Variants in ZNF518A observed in about 807,000 individuals in gnomAD.
ZNF518A encodes zinc finger protein 518A.
In ZNF518A, 47 loss-of-function variants were observed where a neutral mutation model predicts 102.7. That is an observed-to-expected ratio of 0.46 (90% CI 0.36 to 0.58). The LOEUF (loss-of-function observed/expected upper bound fraction) is 0.58. ZNF518A is among the 20% of genes least tolerant of loss of function. The probability of loss-of-function intolerance (pLI) is 0.00; values close to 1 mark genes in which losing one functional copy is unlikely to be tolerated. For missense variants in ZNF518A, 1,793 were observed against 1,699.8 expected, an observed-to-expected ratio of 1.05 and a Z score of -0.96; for synonymous variants, 652 against 594.6, an observed-to-expected ratio of 1.10 and a Z score of -1.40.
At chr10:96,196,389 A>T (rs1554894681) in intron 1 of ZNF518A, among the ~76,000 whole-genome samples, 1 of 152,176 alleles carries the variant, frequency 6.6e-6, no homozygotes, top group African/African-American at 2.4e-5. Flanking sequence ...ATTAAAGTTA[A>T]TGTTTGATTA....
intron 3 of ZNF518A, among the ~76,000 whole-genome samples, chr10:96,134,397 A>AT (rs1189362826): frequency 1.4e-4 from 21 of 150,234 alleles, no homozygotes; most frequent in East Asian, 1.2e-3. Flanking sequence ...TGGCTGGCTA[A>AT]TTTTTTTTTT....
At chr10:96,183,217 A>G (rs1295688489) in intron 1 of ZNF518A, among the ~76,000 whole-genome samples, 3 of 151,334 alleles carry the variant, frequency 2.0e-5, no homozygotes, top group East Asian at 3.9e-4. Context: ...TCTGTTCTTT[A>G]TTAGTCTTGC....
chr10:96,179,959 A>G (rs1554891866), intron 1 of ZNF518A, among the ~76,000 whole-genome samples: 1 of 149,346 alleles, frequency 6.7e-6, no homozygotes, highest in Non-Finnish European at 1.5e-5. Flanking sequence ...GCTCACTGCA[A>G]CCTCTGCCTC....
At chr10:96,129,967 C>A (rs1452540662), upstream of ZNF518A, 1 of 152,714 alleles carries the variant, frequency 6.5e-6, no homozygotes, top group South Asian at 2.1e-4. Context: ...ACCCTGCCGG[C>A]CTCCGTTCTC....
At chr10:96,179,196 T>C (rs1554891753) in intron 1 of ZNF518A, among the ~76,000 whole-genome samples, 2 of 152,280 alleles carry the variant, frequency 1.3e-5, no homozygotes, top group South Asian at 2.1e-4. Context: ...ATGGATACTG[T>C]ATGTTAAATA....
intron 1 of ZNF518A, among the ~76,000 whole-genome samples, chr10:96,169,764 G>A (rs2133882122): frequency 6.6e-6 from 1 of 152,226 alleles, no homozygotes; most frequent in East Asian, 1.9e-4. Flanking sequence ...TATGAATTTT[G>A]TAATGTGACA....
Position 96,203,365 on chromosome 10 carries a change from T to C in ZNF518A, n.36-209T>C, listed in dbSNP as rs2083702287. Among the ~76,000 whole-genome samples the C allele has an allele frequency of 2.6e-5, 4 of 152,216 alleles. No homozygotes were observed. In the South Asian group the frequency reaches 8.3e-4, roughly 32 times the overall value. On this transcript the variant is annotated intron_variant and non_coding_transcript_variant, in intron 1 of 2. Coordinates refer to the ZNF518A transcript ENST00000442635. ...AAAATTTAAAAAGCCAATTTATGTT[T>C]AGTAAAAAAAATGCATAAAAATTTT...
At chr10:96,194,716 C>CA (rs1302001177) in intron 1 of ZNF518A, among the ~76,000 whole-genome samples, 9 of 148,788 alleles carry the variant, frequency 6.0e-5, no homozygotes, top group African/African-American at 2.2e-4. Context: ...TACAAGTAGC[C>CA]AAAAAAGCAT....
downstream of ZNF518A, among the ~76,000 whole-genome samples, chr10:96,168,437 GTT>G (rs782643011): frequency 7.2e-6 from 1 of 138,010 alleles, no homozygotes. Flanking sequence ...CCTTTCCAGT[GTT>G]TTTTTTTTTT....
intron 1 of ZNF518A, among the ~76,000 whole-genome samples, chr10:96,198,767 C>T (rs782818876): frequency 3.3e-5 from 5 of 152,228 alleles, no homozygotes; most frequent in South Asian, 2.1e-4. Context: ...GGCATGATCT[C>T]GGCTCACTGC....
intron 3 of ZNF518A, among the ~76,000 whole-genome samples, chr10:96,148,394 C>A (rs982397737): frequency 2.0e-5 from 3 of 152,054 alleles, no homozygotes; most frequent in Non-Finnish European, 2.9e-5. Flanking sequence ...GAGCTGAGAT[C>A]GTGCCATTGC....
chr10:96,202,616 G>T, intron 1 of ZNF518A, among the ~76,000 whole-genome samples: 1 of 152,254 alleles, frequency 6.6e-6, no homozygotes, highest in Middle Eastern at 3.4e-3. Flanking sequence ...GTAAGAGGAG[G>T]GGGCAGTGAG....
chr10:96,189,018 CT>C (rs1260654812), intron 1 of ZNF518A, among the ~76,000 whole-genome samples: 1 of 152,062 alleles, frequency 6.6e-6, no homozygotes, highest in African/African-American at 2.4e-5. Context: ...ATGTCGTAAT[CT>C]TTTTTTTCAA....
chr10:96,144,384 G>A (rs2082076744), intron 3 of ZNF518A, among the ~76,000 whole-genome samples: 1 of 152,068 alleles, frequency 6.6e-6, no homozygotes, highest in African/African-American at 2.4e-5. Flanking sequence ...AATTTCATGT[G>A]GATGTTCCGT....
chr10:96,132,200 T>C (rs1554872244), intron 1 of ZNF518A, among the ~76,000 whole-genome samples: 1 of 151,666 alleles, frequency 6.6e-6, no homozygotes, highest in East Asian at 1.9e-4. Flanking sequence ...ATATGGGGTA[T>C]TGGCTTCTCA....
chr10:96,157,949 A>C lies in ZNF518A; in HGVS notation c.1627A>C (p.Thr543Pro), dbSNP rs782612492. The C allele has an allele frequency of 6.2e-7, 1 of 1,613,742 alleles. No homozygotes were observed. Among genetic ancestry groups the C allele is most frequent in the Non-Finnish European group, 8.5e-7 (1 of 1,179,790 alleles). ...LISQRNNMLQ[T>P]MDYEKSVSSL... Reference sequence around the variant, plus strand: ...ATCTCAAAGGAATAATATGCTTCAAACAATGGATTATGAGAAAAGTGTATC... The same window carrying C: ...ATCTCAAAGGAATAATATGCTTCAACCAATGGATTATGAGAAAAGTGTATC... Residue 543 changes from threonine (T) to proline (P), a missense_variant, in exon 6 of 6, where the codon ACA (threonine) becomes CCA (proline). Around this residue, in one of 3 missense-constraint regions of ZNF518A, gnomAD observed 1,741 missense variants for 1,622.6 expected, o/e 1.07. Coordinates refer to ENST00000316045, the MANE Select transcript of ZNF518A (RefSeq NM_001330736.2).
chr10:96,158,239 T>C lies in ZNF518A; in HGVS notation c.1917T>C (p.Phe639=). 6.2e-7 allele frequency: 1 copy of C among 1,613,706 alleles called. No homozygotes were observed. Among genetic ancestry groups the C allele is most frequent in the Non-Finnish European group, 8.5e-7 (1 of 1,179,726 alleles). ...CCTCCAACCAAGGATCATTACCTTT[T>C]CATAATTACTCAAAAGTGAATAATT... is the stretch of plus-strand genomic sequence containing the variant. ...VESSNQGSLP[F]HNYSKVNNSN... The change falls in exon 6 of 6, where the codon TTT becomes TTC. Residue 639 remains phenylalanine, a synonymous_variant. Coordinates refer to ENST00000316045, the MANE Select transcript of ZNF518A (RefSeq NM_001330736.2).
chr10:96,182,128 CCTGT>C (rs1319748206), intron 1 of ZNF518A, among the ~76,000 whole-genome samples: 1 of 148,644 alleles, frequency 6.7e-6, no homozygotes, highest in Non-Finnish European at 1.5e-5. Flanking sequence ...TCATGATTTG[CCTGT>C]CTGTTATTGG....
At chr10:96,196,637 C>T (rs973365919) in intron 1 of ZNF518A, among the ~76,000 whole-genome samples, 2 of 152,062 alleles carry the variant, frequency 1.3e-5, no homozygotes, top group Non-Finnish European at 2.9e-5. Flanking sequence ...TTATATTTGC[C>T]CCTGGACTAA....
Sources: allele counts gnomAD v4.1 joint callset (sites outside exome capture counted in the v4.1 genomes callset), GRCh38; gene constraint gnomAD v4.1.1; regional missense constraint gnomAD v4.1.1; transcripts MANE v1.5; gene names NCBI Gene and HGNC (gene_info 2026-07-23, HGNC 2026-07-21).